Variants in FAM135B observed in about 807,000 individuals in gnomAD.
FAM135B encodes the protein protein FAM135B.
FAM135B carries 43 observed loss-of-function variants against 127.7 expected under a neutral mutation model. The observed-to-expected ratio is 0.34, with a 90% CI of 0.26 to 0.43. FAM135B has a LOEUF of 0.43. Ranked by LOEUF, FAM135B falls within the 20% of genes least tolerant of loss-of-function variation. The pLI is 1.00. For synonymous variants in FAM135B, 670 were observed against 665.1 expected (o/e 1.01, Z -0.11); for missense variants, 1,558 against 1,725.6 (o/e 0.90, Z 1.72).
chr8:138,350,356 C>T (rs918531435), intron 2 of FAM135B, among the ~76,000 whole-genome samples: 12 of 152,144 alleles, frequency 7.9e-5, no homozygotes, highest in African/African-American at 2.9e-4. Context: ...CCATTCCAAC[C>T]CTCTAATCAA....
chr8:138,229,950 G>A (rs1228466146), intron 7 of FAM135B, among the ~76,000 whole-genome samples: 1 of 152,152 alleles, frequency 6.6e-6, no homozygotes, highest in African/African-American at 2.4e-5. Flanking sequence ...TTGACACTTT[G>A]GGATTATTAC....
chr8:138,459,909 A>T (rs532272779), intron 1 of FAM135B, among the ~76,000 whole-genome samples: 1 of 148,200 alleles, frequency 6.7e-6, no homozygotes, highest in African/African-American at 2.4e-5. Flanking sequence ...AGCCTAAGGG[A>T]GTTACTTCAC....
chr8:138,198,325 T>C (rs1816827854), intron 7 of FAM135B, among the ~76,000 whole-genome samples: 2 of 152,182 alleles, frequency 1.3e-5, no homozygotes, highest in South Asian at 2.1e-4. Context: ...TAAACCTCTT[T>C]CCTTTATAAA....
At chr8:138,273,978 C>T (rs1053959854) in intron 3 of FAM135B, among the ~76,000 whole-genome samples, 4 of 152,180 alleles carry the variant, frequency 2.6e-5, no homozygotes, top group African/African-American at 9.6e-5. Flanking sequence ...CTGAGTGGGC[C>T]TGATCCTTCA....
At chr8:138,219,164 TA>T (rs1818826423) in intron 7 of FAM135B, among the ~76,000 whole-genome samples, 2 of 152,222 alleles carry the variant, frequency 1.3e-5, no homozygotes, top group South Asian at 4.1e-4. Flanking sequence ...ATTATTTCAA[TA>T]TTTGAAAAGT....
chr8:138,162,957 A>G lies in FAM135B; in HGVS notation c.1258+4938T>C, dbSNP rs73426681. On this transcript the variant is annotated intron_variant, in intron 12 of 19. Transcript: ENST00000395297. ...CAGATTCATCACAGACAGTTAAGAC[A>G]GGAAACAGAAAGTGCAGAAAGTAAG... is the stretch of plus-strand genomic sequence containing the variant. 7.6e-3 allele frequency among the ~76,000 whole-genome samples: 1,164 copies of G among 152,368 alleles called. 14 individuals carry two copies. Among genetic ancestry groups the G allele is most frequent in the African/African-American group, 0.027 (1,116 of 41,584 alleles).
intron 1 of FAM135B, among the ~76,000 whole-genome samples, chr8:138,484,902 C>A (rs958548031): frequency 6.6e-6 from 1 of 152,246 alleles, no homozygotes; most frequent in Middle Eastern, 3.4e-3. Flanking sequence ...ATAATCTTAT[C>A]TTTATACATT....
At position 138,151,255 on chromosome 8, in the gene FAM135B, A is replaced by C. The variant is rs1250885786; in HGVS notation, c.3220T>G (p.Phe1074Val). ...FPITHQPLGSFGVVSTHSSTL... is the reference protein window; with the variant it reads ...FPITHQPLGSVGVVSTHSSTL... ...CTGGAATGGGTAGAAACAACTCCAA[A>C]GGATCCCAAAGGCTGATGGGTGATG... The change falls in exon 13 of 20, where the codon TTT (phenylalanine) becomes GTT (valine). Residue 1074 changes from phenylalanine (F) to valine (V), a missense_variant. This residue lies in a region of FAM135B where 923 missense variants were observed against 865.3 expected (regional missense o/e 1.07). Transcript: ENST00000395297. 6.2e-7 allele frequency: 1 copy of C among 1,607,430 alleles called. No homozygotes were observed. Among genetic ancestry groups the C allele is most frequent in the Non-Finnish European group, 8.5e-7 (1 of 1,177,656 alleles).
chr8:138,174,849 C>T (rs1036277914), intron 11 of FAM135B, among the ~76,000 whole-genome samples: 4 of 152,116 alleles, frequency 2.6e-5, no homozygotes, highest in Non-Finnish European at 4.4e-5. Context: ...GCACTCCTTA[C>T]CACTTAGCAT....
At chr8:138,319,666 T>C (rs1165455488) in intron 2 of FAM135B, among the ~76,000 whole-genome samples, 1 of 152,160 alleles carries the variant, frequency 6.6e-6, no homozygotes, top group African/African-American at 2.4e-5. Flanking sequence ...CTTTATTGAT[T>C]TCCCTCTGTA....
At chr8:138,368,471 T>C (rs1384701361) in intron 1 of FAM135B, among the ~76,000 whole-genome samples, 1 of 152,214 alleles carries the variant, frequency 6.6e-6, no homozygotes, top group Non-Finnish European at 1.5e-5. Flanking sequence ...AAAGAGAGAA[T>C]AAATATGCCA....
At chr8:138,284,860 AG>A (rs1824545653) in intron 3 of FAM135B, among the ~76,000 whole-genome samples, 1 of 152,040 alleles carries the variant, frequency 6.6e-6, no homozygotes, top group Non-Finnish European at 1.5e-5. Context: ...TATTAAACTA[AG>A]GCCTCTGTAA....
chr8:138,451,285 C>A (rs1836464852), intron 1 of FAM135B, among the ~76,000 whole-genome samples: 2 of 152,176 alleles, frequency 1.3e-5, no homozygotes, highest in African/African-American at 2.4e-5. Context: ...AAGTTGCATT[C>A]TTGTTTGCTA....
At chr8:138,283,243 G>A (rs958551407) in intron 3 of FAM135B, among the ~76,000 whole-genome samples, 19 of 152,148 alleles carry the variant, frequency 1.2e-4, no homozygotes, top group African/African-American at 4.6e-4. Flanking sequence ...TAAATAAACT[G>A]TGGTACGTCC....
intron 3 of FAM135B, among the ~76,000 whole-genome samples, chr8:138,269,295 GT>G (rs1823184732): frequency 6.6e-6 from 1 of 152,166 alleles, no homozygotes; most frequent in African/African-American, 2.4e-5. Flanking sequence ...CAAAATACAG[GT>G]ATTATTCTTC....
In FAM135B at chr8:138,369,559, CAG is replaced by C. The variant is rs561418545; in HGVS notation, c.-19-1559_-19-1558del. On this transcript the variant is annotated intron_variant, in intron 1 of 19. Transcript: ENST00000395297. ...ACCAACCTCTATAAATTCTGCAAGA[CAG>C]AATTTCAATCTGGCAAACATGGAAA... Among the ~76,000 whole-genome samples the C allele has an allele frequency of 2.0e-4, 30 of 152,240 alleles. 1 individual carries two copies. The South Asian group carries it at 6.0e-3, about 31-fold the overall frequency.
intron 2 of FAM135B, among the ~76,000 whole-genome samples, chr8:138,354,101 C>CT (rs1829940427): frequency 6.6e-6 from 1 of 152,098 alleles, no homozygotes; most frequent in Non-Finnish European, 1.5e-5. Context: ...ACCTTCACCT[C>CT]TTTAATAATT....
At chr8:138,465,510 C>T (rs1300008490) in intron 1 of FAM135B, among the ~76,000 whole-genome samples, 1 of 152,222 alleles carries the variant, frequency 6.6e-6, no homozygotes, top group Non-Finnish European at 1.5e-5. Context: ...AATCCTCTCT[C>T]GTGCCCATGC....
At chr8:138,142,472 A>G (rs1028165157) in intron 16 of FAM135B, among the ~76,000 whole-genome samples, 1 of 151,114 alleles carries the variant, frequency 6.6e-6, no homozygotes, top group African/African-American at 2.4e-5. Context: ...CCCAGCTAAT[A>G]TTTTTGTGTT....
Sources: gnomAD v4.1 joint callset for allele counts (sites outside exome capture counted in the v4.1 genomes callset) on GRCh38, gnomAD v4.1.1 for gene constraint, gnomAD v4.1.1 regional missense constraint, MANE v1.5 for transcripts, NCBI Gene and HGNC (gene_info 2026-07-23, HGNC 2026-07-21) for gene names.